The following NDST4 variants were observed in gnomAD, a reference collection of about 807,000 sequenced individuals.
The protein encoded by NDST4 is N-heparan sulfate sulfotransferase 4.
In NDST4, 63 loss-of-function variants were observed where a neutral mutation model predicts 100.8. The ratio of observed to expected loss-of-function variants is 0.62; its 90% CI spans 0.51 to 0.77. NDST4 has a LOEUF of 0.77. Ranked by LOEUF, NDST4 falls within the 30% of genes least tolerant of loss-of-function variation. The pLI is 0.00. For synonymous variants in NDST4, 377 were observed against 361.8 expected (o/e 1.04, Z -0.48); for missense variants, 943 against 1,018.4 (o/e 0.93, Z 1.01).
At chr4:114,922,620 T>C (rs376400271) in intron 6 of NDST4, among the ~76,000 whole-genome samples, 3 of 152,132 alleles carry the variant, frequency 2.0e-5, no homozygotes, top group East Asian at 3.9e-4. Context: ...AGTCCCACAC[T>C]CTGCCTTATG....
At chr4:115,107,624 T>A (rs1729857293) in intron 1 of NDST4, among the ~76,000 whole-genome samples, 1 of 152,124 alleles carries the variant, frequency 6.6e-6, no homozygotes, top group Non-Finnish European at 1.5e-5. Flanking sequence ...CCACCTTGAC[T>A]TATCTTTATA....
intron 2 of NDST4, 73 bp from the exon 3 acceptor site, chr4:114,977,347 G>T: frequency 1.1e-6 from 1 of 920,794 alleles, no homozygotes; most frequent in Non-Finnish European, 1.7e-6. Context: ...TTTTGCAAAT[G>T]TGTATGCATG....
At chr4:115,002,338 G>A (rs960935208) in intron 2 of NDST4, among the ~76,000 whole-genome samples, 1 of 152,078 alleles carries the variant, frequency 6.6e-6, no homozygotes, top group Admixed American at 6.6e-5. Flanking sequence ...CCCACTTTTT[G>A]ATGGGGTTGT....
intron 8 of NDST4, among the ~76,000 whole-genome samples, chr4:114,851,350 T>C (rs1723672135): frequency 6.6e-6 from 1 of 152,230 alleles, no homozygotes; most frequent in South Asian, 2.1e-4. Flanking sequence ...CTATGAAATA[T>C]TATTACCATC....
At chr4:115,010,593 G>A (rs1261421382) in intron 2 of NDST4, among the ~76,000 whole-genome samples, 1 of 127,900 alleles carries the variant, frequency 7.8e-6, no homozygotes, top group Non-Finnish European at 1.7e-5. Flanking sequence ...GCTAAATGAC[G>A]AGTTAATGTG....
rs34134859 is a variant in NDST4 at position 115,076,329 on chromosome 4, A to G, written c.708T>C (p.Thr236=). The G allele has an allele frequency of 6.2e-7, 1 of 1,613,884 alleles. No homozygotes were observed. Among genetic ancestry groups the G allele is most frequent in the African/African-American group, 1.3e-5 (1 of 74,896 alleles). ...ACAGGGATTTTTCTGTCTGTAACTCAGTTAAAAGTACAGGCTGGTAGGTTG... is the reference window on the plus strand; with the variant it reads ...ACAGGGATTTTTCTGTCTGTAACTCGGTTAAAAGTACAGGCTGGTAGGTTG... ...NHSTYQPVLL[T]ELQTEKSLSS... Residue 236 remains threonine (T), a synonymous_variant, in exon 2 of 14, where the codon ACT becomes ACC. Transcript: ENST00000264363.
intron 1 of NDST4, among the ~76,000 whole-genome samples, chr4:115,082,018 C>T (rs1240416255): frequency 1.3e-5 from 2 of 152,156 alleles, no homozygotes; most frequent in African/African-American, 2.4e-5. Context: ...GAGATCTACT[C>T]ATTATTTTCA....
intron 2 of NDST4, among the ~76,000 whole-genome samples, chr4:114,987,492 C>A (rs1726939734): frequency 6.6e-6 from 1 of 152,086 alleles, no homozygotes; most frequent in Non-Finnish European, 1.5e-5. Flanking sequence ...TTTGAGCTAC[C>A]TTCTTCTTCA....
At chr4:115,054,387 T>C (rs1368632755) in intron 2 of NDST4, among the ~76,000 whole-genome samples, 1 of 152,132 alleles carries the variant, frequency 6.6e-6, no homozygotes, top group African/African-American at 2.4e-5. Flanking sequence ...GAGCAGTATT[T>C]TTCAAACTAG....
Position 114,870,771 on chromosome 4 carries a change from C to A in NDST4, c.1716G>T (p.Trp572Cys), listed in dbSNP as rs745625767. The part of the protein sequence containing the change: ...ELFPEQKDPL[W>C]QNPCDDKRHK... Reference sequence around the variant, plus strand: ...AAGAGAGAATGTTAAATGTTACCTGCCATAGAGGGTCTTTCTGCTCAGGGA... The same window carrying A: ...AAGAGAGAATGTTAAATGTTACCTGACATAGAGGGTCTTTCTGCTCAGGGA... The change falls in exon 7 of 14, where the codon TGG (tryptophan) becomes TGT (cysteine). Residue 572 changes from tryptophan to cysteine, a missense_variant. By Grantham distance (215) the Trp-to-Cys change is radical. Around this residue, in one of 2 missense-constraint regions of NDST4, gnomAD observed 526 missense variants for 634.1 expected, o/e 0.83. Transcript: ENST00000264363. The A allele has an allele frequency of 6.2e-7, 1 of 1,606,120 alleles. No homozygotes were observed. Among genetic ancestry groups the A allele is most frequent in the Non-Finnish European group, 8.5e-7 (1 of 1,176,766 alleles).
intron 6 of NDST4, among the ~76,000 whole-genome samples, chr4:114,929,033 TGTCTGTCTGTCC>T (rs1442273973): frequency 2.3e-4 from 33 of 146,256 alleles, no homozygotes; most frequent in South Asian, 2.4e-4. Context: ...TCTGTCTGTC[TGTCTGTCTGTCC>T]GTCCGTCCGT....
rs574459278 is a variant in NDST4, at chr4:114,848,019, A to G, written c.1940+196T>C. Among the ~76,000 whole-genome samples the G allele has an allele frequency of 7.9e-5, 12 of 152,324 alleles. 1 individual carries two copies. Among genetic ancestry groups the G allele is most frequent in the Non-Finnish European group, 1.5e-4 (10 of 68,014 alleles). ...TCAATCATATTAATTTAGCAGAAAAATATTATCATTATTGCACTGTCCAAA... is the reference window on the plus strand; with the variant it reads ...TCAATCATATTAATTTAGCAGAAAAGTATTATCATTATTGCACTGTCCAAA... On this transcript the variant is annotated intron_variant, in intron 9 of 13. Transcript: ENST00000264363.
At chr4:114,986,097 C>T (rs1726894895) in intron 2 of NDST4, among the ~76,000 whole-genome samples, 1 of 151,942 alleles carries the variant, frequency 6.6e-6, no homozygotes, top group Non-Finnish European at 1.5e-5. Flanking sequence ...GAAGTTTAAA[C>T]GTTGATACTG....
chr4:114,939,862 T>G (rs942122503), intron 4 of NDST4, among the ~76,000 whole-genome samples: 10 of 152,178 alleles, frequency 6.6e-5, no homozygotes, highest in Admixed American at 3.3e-4. Flanking sequence ...ATTATGAGTT[T>G]ATGCTTTTTC....
chr4:114,941,677 G>C (rs1418293917), intron 4 of NDST4, among the ~76,000 whole-genome samples: 1 of 152,098 alleles, frequency 6.6e-6, no homozygotes, highest in African/African-American at 2.4e-5. Flanking sequence ...AGCAGCAGAG[G>C]CTTTTTGTTT....
intron 2 of NDST4, among the ~76,000 whole-genome samples, chr4:115,018,485 G>T (rs1209859917): frequency 6.6e-6 from 1 of 151,516 alleles, no homozygotes; most frequent in African/African-American, 2.4e-5. Context: ...CTATTATATT[G>T]ACTTTAAATC....
chr4:114,983,624 G>A (rs1252236186), intron 2 of NDST4, among the ~76,000 whole-genome samples: 1 of 152,106 alleles, frequency 6.6e-6, no homozygotes, highest in East Asian at 1.9e-4. Flanking sequence ...AACTTACTTT[G>A]TCTCAGATGA....
At chr4:114,854,629 C>G (rs528931880) in intron 7 of NDST4, among the ~76,000 whole-genome samples, 1 of 152,036 alleles carries the variant, frequency 6.6e-6, no homozygotes, top group Non-Finnish European at 1.5e-5. Context: ...CCACCACACC[C>G]GGCTAATTTT....
intron 10 of NDST4, among the ~76,000 whole-genome samples, chr4:114,844,139 C>T (rs1723494094): frequency 6.6e-6 from 1 of 152,144 alleles, no homozygotes; most frequent in Admixed American, 6.6e-5. Context: ...AATACTTATT[C>T]TTCATTCAGT....
Sources: allele counts gnomAD v4.1 joint callset (sites outside exome capture counted in the v4.1 genomes callset), GRCh38; gene constraint gnomAD v4.1.1; regional missense constraint gnomAD v4.1.1; transcripts MANE v1.5; gene names NCBI Gene and HGNC (gene_info 2026-07-23, HGNC 2026-07-21).